CNNM3: variants seen among roughly 807,000 people sequenced by gnomAD.
CNNM3 encodes metal transporter CNNM3.
CNNM3 carries 47 observed loss-of-function variants against 57.1 expected under a neutral mutation model. The observed-to-expected ratio is 0.82, with a 90% CI of 0.65 to 1.05. The LOEUF (loss-of-function observed/expected upper bound fraction) is 1.05, where lower values mean the gene tolerates loss of function less well. Ranked by LOEUF, CNNM3 falls within the 50% of genes least tolerant of loss-of-function variation. The pLI, the probability that CNNM3 is intolerant of heterozygous loss-of-function variation, is 0.00. For missense variants in CNNM3, 957 were observed against 973.7 expected (o/e 0.98, Z 0.23); for synonymous variants, 507 against 478.2 (o/e 1.06, Z -0.79).
intron 2 of CNNM3, among the ~76,000 whole-genome samples, chr2:96,826,273 C>T (rs111975548): frequency 8.6e-5 from 13 of 151,910 alleles, no homozygotes; most frequent in East Asian, 7.7e-4. Context: ...AGTACAGTGG[C>T]GCATTCATGG....
Position 96,828,125 on chromosome 2 carries a change from A to T in CNNM3, c.1716A>T (p.Lys572Asn). ...LQGRVEVEIG[K>N]EGLKFENGAF... Reference sequence around the variant, plus strand: ...GCAGGGTTGAAGTGGAGATCGGGAAAGAGGGTCTGAAGTTTGAGAATGGGG... The same window carrying T: ...GCAGGGTTGAAGTGGAGATCGGGAATGAGGGTCTGAAGTTTGAGAATGGGG... Residue 572 changes from lysine to asparagine, a missense_variant, in exon 5 of 8, where the codon AAA (lysine) becomes AAT (asparagine). By Grantham distance (94) the Lys-to-Asn change is moderately conservative. Transcript: ENST00000305510. 1 of 1,614,120 alleles carries T rather than the reference A, an allele frequency of 6.2e-7. No homozygotes were observed. Among genetic ancestry groups the T allele is most frequent in the Non-Finnish European group, 8.5e-7 (1 of 1,179,998 alleles).
At position 96,816,466 on chromosome 2, in the gene CNNM3, C is replaced by T; in HGVS notation, c.189C>T (p.Leu63=). 1.4e-6 allele frequency: 2 copies of T among 1,455,968 alleles called. No individual in the cohort carries two copies. The highest frequency in any genetic ancestry group is 3.0e-5 in the African/African-American group (2 of 67,696). 90.2% of individuals were successfully genotyped at this position (1,455,968 alleles called of 1,614,324 possible). The change falls in exon 1 of 8, where the codon CTC becomes CTT. Residue 63 remains leucine (L), a synonymous_variant. Coordinates refer to ENST00000305510, the MANE Select transcript of CNNM3 (RefSeq NM_017623.5). The part of the protein sequence containing the change: ...AARDTPDATF[L]LRLFGPGFAN... Reference sequence around the variant, plus strand: ...GGGACACGCCGGACGCCACCTTCCTCCTGCGCCTCTTCGGCCCGGGCTTCG... The same window carrying T: ...GGGACACGCCGGACGCCACCTTCCTTCTGCGCCTCTTCGGCCCGGGCTTCG...
At chr2:96,829,293 A>G in intron 7 of CNNM3, 159 bp downstream of exon 7, 6 of 864,788 alleles carry the variant, frequency 6.9e-6, no homozygotes, top group Non-Finnish European at 8.3e-6. Context: ...CTATATATAA[A>G]TAATTTTTTT....
intron 3 of CNNM3, 97 bp downstream of exon 3, chr2:96,827,079 A>G (rs1406566796): frequency 7.1e-7 from 1 of 1,403,664 alleles, no homozygotes; most frequent in Non-Finnish European, 9.7e-7. Context: ...CCCCACTCCT[A>G]GCAGGCGGGT....
chr2:96,821,828 C>T (rs2079411080), intron 1 of CNNM3, among the ~76,000 whole-genome samples: 1 of 152,102 alleles, frequency 6.6e-6, no homozygotes, highest in South Asian at 2.1e-4. Context: ...TTGAATATCT[C>T]ATGTAATTTA....
At chr2:96,836,201 G>C (rs1351366223), downstream of CNNM3, among the ~76,000 whole-genome samples, 2 of 147,212 alleles carry the variant, frequency 1.4e-5, no homozygotes, top group Non-Finnish European at 3.0e-5. Flanking sequence ...TCCCTCTTCA[G>C]CTCCCCATGT....
At position 96,817,373 on chromosome 2, in the gene CNNM3, A is replaced by G. The variant is rs747068163; in HGVS notation, c.1096A>G (p.Lys366Glu). 1 of 1,614,142 alleles carries G rather than the reference A, an allele frequency of 6.2e-7. No individual in the cohort carries two copies. The highest frequency in any genetic ancestry group is 1.1e-5 in the South Asian group (1 of 91,080). The change falls in exon 1 of 8, where the codon AAG becomes GAG. Residue 366 changes from lysine to glutamate, a missense_variant. Physicochemically the swap from Lys to Glu is moderately conservative, Grantham distance 56 (BLOSUM62 1). Transcript: ENST00000305510. Reference protein sequence around the residue: ...RSNIVDMLYLKDLAFVDPEDC... With the variant: ...RSNIVDMLYLEDLAFVDPEDC... ...CAACATCGTGGACATGCTCTACCTC[A>G]AGGACTTGGCCTTCGTGGATCCCGA...
In CNNM3 at chr2:96,826,863, C is replaced by G. The variant is rs748771545; in HGVS notation, c.1400C>G (p.Ser467Cys). 2.5e-6 allele frequency: 4 copies of G among 1,614,252 alleles called. No homozygotes were observed. Among genetic ancestry groups the G allele is most frequent in the Middle Eastern group, 1.7e-4 (1 of 6,060 alleles). ...RDTVVKRKPASLMAPLKRKEE... is the reference protein window; with the variant it reads ...RDTVVKRKPACLMAPLKRKEE... Reference sequence around the variant, plus strand: ...ACCGTGGTGAAGAGGAAGCCTGCTTCTCTGATGGCCCCTCTGAAGCGGAAG... The same window carrying G: ...ACCGTGGTGAAGAGGAAGCCTGCTTGTCTGATGGCCCCTCTGAAGCGGAAG... The change falls in exon 3 of 8, where the codon TCT becomes TGT. Residue 467 changes from serine to cysteine, a missense_variant. Physicochemically the swap from Ser to Cys is moderately radical, Grantham distance 112. Transcript: ENST00000305510.
chr2:96,827,271 T>C (rs1187763417), intron 3 of CNNM3, among the ~76,000 whole-genome samples: 1 of 147,808 alleles, frequency 6.8e-6, no homozygotes, highest in Non-Finnish European at 1.5e-5. Flanking sequence ...AGTTCTTTTT[T>C]TTTTTTTTTT....
Position 96,818,006 on chromosome 2 carries a change from A to G in CNNM3, c.1225+504A>G, listed in dbSNP as rs1385170349. On this transcript the variant is annotated intron_variant, in intron 1 of 7. Coordinates refer to ENST00000305510, the MANE Select transcript of CNNM3 (RefSeq NM_017623.5). Reference sequence around the variant, plus strand: ...CTTAAGGTCCCTGGCGTTACTGCAGATAAGGGTATTTAGGTGTCAATCCCT... The same window carrying G: ...CTTAAGGTCCCTGGCGTTACTGCAGGTAAGGGTATTTAGGTGTCAATCCCT... 2.0e-5 allele frequency among the ~76,000 whole-genome samples: 3 copies of G among 152,334 alleles called. No homozygotes were observed. In the East Asian group the frequency reaches 5.8e-4, roughly 29 times the overall value.
In CNNM3 at chr2:96,827,859, C is replaced by T. The variant is rs2079536156; in HGVS notation, c.1648C>T (p.Gln550Ter). The change falls in exon 4 of 8, where the codon CAG becomes TAG. Residue 550 changes from glutamine to a stop codon, truncating the protein, a stop_gained. Transcript: ENST00000305510. LOFTEE classifies it high-confidence loss of function. ...NRLATHHYLYQRSQPVDYFIL... is the reference protein window; with the variant it reads ...NRLATHHYLY ...GCTGGCCACACACCACTACCTGTAC[C>T]AGCGCAGCCAGCCGGTGGATTACTT... 1 of 1,614,016 alleles carries T rather than the reference C, an allele frequency of 6.2e-7. No individual in the cohort carries two copies. Among genetic ancestry groups the T allele is most frequent in the South Asian group, 1.1e-5 (1 of 91,074 alleles).
chr2:96,816,495 A>G lies in CNNM3; in HGVS notation c.218A>G (p.Asn73Ser), dbSNP rs1377388931. ...LLRLFGPGFANSSWSWVAPEG... is the reference protein window; with the variant it reads ...LLRLFGPGFASSSWSWVAPEG... ...CGCCTCTTCGGCCCGGGCTTCGCCAACAGCTCTTGGTCCTGGGTGGCCCCG... is the reference window on the plus strand; with the variant it reads ...CGCCTCTTCGGCCCGGGCTTCGCCAGCAGCTCTTGGTCCTGGGTGGCCCCG... Residue 73 changes from asparagine to serine, a missense_variant, in exon 1 of 8, where the codon AAC (asparagine) becomes AGC (serine). By Grantham distance (46) the Asn-to-Ser change is conservative (BLOSUM62 1). Coordinates refer to ENST00000305510, the MANE Select transcript of CNNM3 (RefSeq NM_017623.5). 8 of 1,458,220 alleles carry G rather than the reference A, an allele frequency of 5.5e-6. No individual in the cohort carries two copies. The highest frequency in any genetic ancestry group is 7.2e-6 in the Non-Finnish European group (8 of 1,105,712). The allele number at this position is 1,458,220 out of a possible 1,614,324, so 90.3% of individuals were successfully genotyped here. A position where few individuals can be genotyped will look rare whatever the true frequency, so the allele number is the denominator to read the frequency against.
chr2:96,826,034 C>T (rs1050485244), intron 2 of CNNM3, among the ~76,000 whole-genome samples: 5 of 152,152 alleles, frequency 3.3e-5, no homozygotes, highest in African/African-American at 7.2e-5. Flanking sequence ...TGCATGCTTC[C>T]AGAAGTATCG....
Position 96,817,413 on chromosome 2 carries a change from T to G in CNNM3, c.1136T>G (p.Leu379Arg). ...AFVDPEDCTP[L>R]STITRFYNHP... ...GTGGATCCCGAAGACTGCACGCCGCTCAGCACCATCACTCGTTTCTACAAC... is the reference window on the plus strand; with the variant it reads ...GTGGATCCCGAAGACTGCACGCCGCGCAGCACCATCACTCGTTTCTACAAC... Residue 379 changes from leucine (L) to arginine (R), a missense_variant, in exon 1 of 8, where the codon CTC becomes CGC. Leu to Arg is a moderately radical substitution (Grantham distance 102). Coordinates refer to ENST00000305510, the MANE Select transcript of CNNM3 (RefSeq NM_017623.5). 1 of 1,614,090 alleles carries G rather than the reference T, an allele frequency of 6.2e-7. No individual in the cohort carries two copies. The highest frequency in any genetic ancestry group is 8.5e-7 in the Non-Finnish European group (1 of 1,180,014).
intron 5 of CNNM3, 92 bp from the exon 6 acceptor site, chr2:96,828,475 G>C: frequency 6.8e-7 from 1 of 1,471,900 alleles, no homozygotes. Context: ...TTGGTGGGGT[G>C]GGTCTTCGAA....
intron 1 of CNNM3, among the ~76,000 whole-genome samples, chr2:96,822,382 C>G (rs145917516): frequency 3.1e-4 from 47 of 152,168 alleles, no homozygotes; most frequent in African/African-American, 1.1e-3. Context: ...GATCGTGGCT[C>G]ACTGTAGCCT....
chr2:96,829,731 C>G (rs1019791206), intron 7 of CNNM3, among the ~76,000 whole-genome samples: 2 of 151,972 alleles, frequency 1.3e-5, no homozygotes, highest in African/African-American at 4.8e-5. Context: ...GTATTTCTCT[C>G]AAGGACGTCT....
intron 1 of CNNM3, chr2:96,824,380 G>A (rs1485748709): frequency 6.5e-6 from 1 of 153,492 alleles, no homozygotes; most frequent in Non-Finnish European, 1.5e-5. Flanking sequence ...TCCCCTAGTT[G>A]ACAGCCCCTA....
chr2:96,818,803 C>T (rs2079364439), intron 1 of CNNM3, among the ~76,000 whole-genome samples: 1 of 152,204 alleles, frequency 6.6e-6, no homozygotes, highest in South Asian at 2.1e-4. Flanking sequence ...AGGGTGGGAG[C>T]ACCCCAGGGT....
Sources: gnomAD v4.1 joint callset for allele counts (sites outside exome capture counted in the v4.1 genomes callset) on GRCh38, gnomAD v4.1.1 for gene constraint, MANE v1.5 for transcripts, NCBI Gene and HGNC (gene_info 2026-07-23, HGNC 2026-07-21) for gene names.